MYO9A: variants seen among roughly 807,000 people sequenced by gnomAD.
MYO9A encodes myosin IXA, also known as unconventional myosin-IXa.
In MYO9A, 103 loss-of-function variants were observed where a neutral mutation model predicts 293.3. The ratio of observed to expected loss-of-function variants is 0.35; its 90% CI spans 0.30 to 0.41. MYO9A has a LOEUF of 0.41. Among genes scored for constraint, MYO9A ranks in the 10% least tolerant of loss-of-function variants. The probability of loss-of-function intolerance (pLI) is 1.00; values close to 1 mark genes in which losing one functional copy is unlikely to be tolerated. For missense variants in MYO9A, 2,685 were observed against 3,033.0 expected (o/e 0.89, Z 2.69); for synonymous variants, 1,001 against 1,035.7 (o/e 0.97, Z 0.64).
Position 71,886,194 on chromosome 15 carries a change from TAAAAAAA to T in MYO9A, c.5255+1803_5255+1809del, listed in dbSNP as rs34921688. ...TATGTGATTATTATTTAAAGTAGGGTAAAAAAAAAAAAAAAAAAAAGAAAGAGGCTGC... is the reference window on the plus strand; with the variant it reads ...TATGTGATTATTATTTAAAGTAGGGTAAAAAAAAAAAAAGAAAGAGGCTGC... On this transcript the variant is annotated intron_variant, in intron 27 of 41. Coordinates refer to ENST00000356056, the MANE Select transcript of MYO9A (RefSeq NM_006901.4). Among the ~76,000 whole-genome samples, 3 of 127,208 alleles carry T rather than the reference TAAAAAAA, an allele frequency of 2.4e-5. No homozygotes were observed. The South Asian group carries it at 7.7e-4, about 33-fold the overall frequency. 83.5% of individuals were successfully genotyped at this position (127,208 alleles called of 152,430 possible).
At position 71,978,281 on chromosome 15, in the gene MYO9A, T is replaced by C; in HGVS notation, c.1734A>G (p.Arg578=). Residue 578 remains arginine, a synonymous_variant, in exon 12 of 42, where the codon AGA becomes AGG. Transcript: ENST00000356056. ...TGTTGTGCCAGCTGATACCTTCAGT[T>C]CTATATTCCTCCTAGAAAAACCAAA... ...HIFKLEQEEY[R]TEGISWHNID... is the part of the protein sequence containing the mutation. 1 of 1,602,966 alleles carries C rather than the reference T, an allele frequency of 6.2e-7. No homozygotes were observed. Among genetic ancestry groups the C allele is most frequent in the Middle Eastern group, 1.7e-4 (1 of 6,010 alleles).
At chr15:71,961,652 T>C (rs1274926495) in intron 13 of MYO9A, among the ~76,000 whole-genome samples, 1 of 152,182 alleles carries the variant, frequency 6.6e-6, no homozygotes, top group Non-Finnish European at 1.5e-5. Flanking sequence ...TCAAAAACAT[T>C]CACTCATAAC....
chr15:71,865,005 A>G (rs2141882463), intron 32 of MYO9A, among the ~76,000 whole-genome samples: 1 of 152,224 alleles, frequency 6.6e-6, no homozygotes, highest in East Asian at 1.9e-4. Context: ...TCTATTTTGT[A>G]TTTGGACATT....
chr15:71,835,827 G>T (rs920349690), intron 39 of MYO9A, among the ~76,000 whole-genome samples: 1 of 152,092 alleles, frequency 6.6e-6, no homozygotes, highest in African/African-American at 2.4e-5. Context: ...AAGGTAGGAT[G>T]ACTTATTCTA....
chr15:72,036,356 G>A (rs1325319596), intron 2 of MYO9A, among the ~76,000 whole-genome samples: 2 of 152,120 alleles, frequency 1.3e-5, no homozygotes, highest in African/African-American at 2.4e-5. Context: ...CAAGAATGCT[G>A]ACAAAAACTG....
chr15:71,970,876 C>T (rs936751207), intron 12 of MYO9A, among the ~76,000 whole-genome samples: 13 of 151,930 alleles, frequency 8.6e-5, no homozygotes, highest in African/African-American at 3.1e-4. Flanking sequence ...GTGACATTCT[C>T]GGCCGGGCGC....
intron 11 of MYO9A, among the ~76,000 whole-genome samples, chr15:71,984,516 T>C (rs1368411071): frequency 6.6e-6 from 1 of 152,202 alleles, no homozygotes; most frequent in East Asian, 1.9e-4. Flanking sequence ...CCATTATGTC[T>C]TCAAACACGG....
intron 18 of MYO9A, among the ~76,000 whole-genome samples, chr15:71,932,277 T>C (rs754212234): frequency 1.3e-5 from 2 of 152,048 alleles, no homozygotes; most frequent in Non-Finnish European, 2.9e-5. Flanking sequence ...GGGAAAAAAG[T>C]GGGCCCACTG....
intron 32 of MYO9A, among the ~76,000 whole-genome samples, chr15:71,867,055 TC>T (rs2056352402): frequency 6.8e-6 from 1 of 147,808 alleles, no homozygotes; most frequent in East Asian, 1.9e-4. Flanking sequence ...AGACTCTGTA[TC>T]AAAAAAAACA....
chr15:72,010,130 G>A (rs1287297260), intron 7 of MYO9A, among the ~76,000 whole-genome samples: 2 of 152,162 alleles, frequency 1.3e-5, no homozygotes, highest in Non-Finnish European at 2.9e-5. Flanking sequence ...TATGCAAATT[G>A]TTAAGGATGT....
In MYO9A at chr15:72,019,036, G is replaced by C; in HGVS notation, c.1155+3C>G. 6.2e-7 allele frequency: 1 copy of C among 1,613,106 alleles called. No individual in the cohort carries two copies. The highest frequency in any genetic ancestry group is 8.5e-7 in the Non-Finnish European group (1 of 1,179,202). ...CACAGAATATTTAGGTACTTGTACT[G>C]ACCGGCTCAGAGTCATAGCAATAAT... On this transcript the variant is annotated splice_donor_region_variant and intron_variant, in intron 6 of 41. Coordinates refer to ENST00000356056, the MANE Select transcript of MYO9A (RefSeq NM_006901.4).
intron 1 of MYO9A, among the ~76,000 whole-genome samples, chr15:72,080,943 A>G (rs181799704): frequency 1.3e-3 from 193 of 152,068 alleles, no homozygotes; most frequent in Non-Finnish European, 1.8e-3. Context: ...TATACACCAC[A>G]TTTTCTTTAC....
chr15:71,930,428 C>A (rs1239358243), intron 18 of MYO9A, among the ~76,000 whole-genome samples: 1 of 152,064 alleles, frequency 6.6e-6, no homozygotes, highest in East Asian at 1.9e-4. Context: ...CTTTTGATGA[C>A]CATACCCCTT....
chr15:71,864,002 C>A (rs1190181964), intron 32 of MYO9A, among the ~76,000 whole-genome samples: 1 of 152,126 alleles, frequency 6.6e-6, no homozygotes, highest in African/African-American at 2.4e-5. Context: ...AAAACTTTAA[C>A]CTTCAAAGAC....
intron 11 of MYO9A, among the ~76,000 whole-genome samples, chr15:71,980,073 T>C (rs1301138694): frequency 6.6e-6 from 1 of 152,094 alleles, no homozygotes; most frequent in African/African-American, 2.4e-5. Flanking sequence ...GGTCTCGAAC[T>C]CCTGGCCTCA....
intron 11 of MYO9A, 53 bp downstream of exon 11, chr15:71,991,050 A>T: frequency 7.2e-7 from 1 of 1,396,052 alleles, no homozygotes; most frequent in Non-Finnish European, 9.5e-7. Context: ...TATGAATATG[A>T]CTCAAAGATA....
At chr15:71,955,998 T>C (rs1036767043) in intron 14 of MYO9A, among the ~76,000 whole-genome samples, 1 of 151,978 alleles carries the variant, frequency 6.6e-6, no homozygotes, top group Non-Finnish European at 1.5e-5. Context: ...ATATGGAAAC[T>C]GTACTTCTTT....
chr15:72,100,554 G>C lies in MYO9A; in HGVS notation c.-72+17126C>G, dbSNP rs545070687. On this transcript the variant is annotated intron_variant, in intron 1 of 41. Coordinates refer to ENST00000356056, the MANE Select transcript of MYO9A (RefSeq NM_006901.4). ...GGCCGCCATCACATCTAGGAAGTGA[G>C]GAGCGTCTCTGCCCGGCCGCCCATC... Among the ~76,000 whole-genome samples the C allele has an allele frequency of 3.1e-3, 478 of 152,060 alleles. 4 individuals are homozygous for C. Among genetic ancestry groups the C allele is most frequent in the African/African-American group, 0.011 (462 of 41,498 alleles).
chr15:71,894,770 A>T (rs1486506369), intron 25 of MYO9A, among the ~76,000 whole-genome samples: 1 of 152,238 alleles, frequency 6.6e-6, no homozygotes, highest in Non-Finnish European at 1.5e-5. Flanking sequence ...AATTCTGGGC[A>T]GAAATAGATG....
Sources: gnomAD v4.1 joint callset for allele counts (sites outside exome capture counted in the v4.1 genomes callset) on GRCh38, gnomAD v4.1.1 for gene constraint, MANE v1.5 for transcripts, NCBI Gene and HGNC (gene_info 2026-07-23, HGNC 2026-07-21) for gene names.